DPP4: variants seen among roughly 807,000 people sequenced by gnomAD.
DPP4 encodes the protein dipeptidyl peptidase 4, also known as ADCP-2.
In DPP4, 93 loss-of-function variants were observed where a neutral mutation model predicts 122.4. The observed-to-expected ratio is 0.76, with a 90% CI of 0.64 to 0.90. The LOEUF is 0.90. DPP4 is among the 40% of genes least tolerant of loss of function. DPP4 has a pLI of 0.00. For synonymous variants in DPP4, 321 were observed against 302.9 expected, an observed-to-expected ratio of 1.06 and a Z score of -0.62; for missense variants, 914 against 907.3, an observed-to-expected ratio of 1.01 and a Z score of -0.09.
intron 19 of DPP4, among the ~76,000 whole-genome samples, chr2:162,013,657 C>T (rs1682794193): frequency 6.6e-6 from 1 of 152,086 alleles, no homozygotes; most frequent in East Asian, 1.9e-4. Flanking sequence ...TGATGCCAAG[C>T]ACCTGGCATT....
chr2:162,061,724 T>C (rs559609725), intron 2 of DPP4, among the ~76,000 whole-genome samples: 102 of 152,338 alleles, frequency 6.7e-4, no homozygotes, highest in South Asian at 1.4e-3. Context: ...GATAATTTCT[T>C]TAATTCACCA....
intron 2 of DPP4, chr2:162,073,153 A>C: frequency 8.5e-6 from 3 of 352,318 alleles, no homozygotes; most frequent in East Asian, 4.3e-5. Context: ...AATTTCAGGA[A>C]GCATGCATTT....
chr2:162,073,417 C>A lies in DPP4; in HGVS notation c.76G>T (p.Val26Phe), dbSNP rs1685188828. The A allele has an allele frequency of 1.9e-6, 3 of 1,613,948 alleles. No individual in the cohort carries two copies. The highest frequency in any genetic ancestry group is 2.5e-6 in the Non-Finnish European group (3 of 1,180,038). The change falls in exon 2 of 26, where the codon GTT becomes TTT. Residue 26 changes from valine to phenylalanine, a missense_variant. Val to Phe is a conservative substitution (Grantham distance 50). Transcript: ENST00000360534. ...AACTTACTGCCTTTGTTCAGCAGAA[C>A]CACGGGCACGGTGATGATGGTGACA... ...ALVTIITVPV[V>F]LLNKGTDDAT...
At chr2:162,054,032 G>A (rs1355781522) in intron 2 of DPP4, among the ~76,000 whole-genome samples, 2 of 152,312 alleles carry the variant, frequency 1.3e-5, no homozygotes, top group East Asian at 1.9e-4. Flanking sequence ...CTTACTGGGG[G>A]GGTGGGGGTG....
At chr2:162,000,807 C>T (rs1701127974) in intron 23 of DPP4, among the ~76,000 whole-genome samples, 1 of 152,222 alleles carries the variant, frequency 6.6e-6, no homozygotes, top group South Asian at 2.1e-4. Flanking sequence ...AGGCTCAGGA[C>T]TTGGGTCCTA....
intron 8 of DPP4, 75 bp downstream of exon 8, chr2:162,038,227 C>T: frequency 1.5e-6 from 2 of 1,344,768 alleles, no homozygotes; most frequent in East Asian, 2.5e-5. Context: ...TTAAATTTTC[C>T]CATTGCAAAA....
chr2:162,015,005 G>A (rs558607747), intron 18 of DPP4, among the ~76,000 whole-genome samples: 1 of 152,080 alleles, frequency 6.6e-6, no homozygotes, highest in Non-Finnish European at 1.5e-5. Context: ...GGTTTATATG[G>A]AGCAAACTGT....
chr2:161,998,291 CATT>C (rs1173762112), intron 23 of DPP4, among the ~76,000 whole-genome samples: 1 of 152,208 alleles, frequency 6.6e-6, no homozygotes, highest in Non-Finnish European at 1.5e-5. Flanking sequence ...TGACCGTAAA[CATT>C]AATTGCCTGA....
rs200582524 is a variant in DPP4, at chr2:162,039,029, A to G, written c.420-8T>C. 193 of 1,613,238 alleles carry G rather than the reference A, an allele frequency of 1.2e-4. No individual in the cohort carries two copies. Among genetic ancestry groups the G allele is most frequent in the Middle Eastern group, 3.3e-4 (2 of 6,080 alleles). Reference sequence around the variant, plus strand: ...TCTTCTGTAATCAGCTGCCTGGAAAAAAGATGAAAGGAAATATTATCAAAA... The same window carrying G: ...TCTTCTGTAATCAGCTGCCTGGAAAGAAGATGAAAGGAAATATTATCAAAA... On this transcript the variant is annotated splice_region_variant and splice_polypyrimidine_tract_variant and intron_variant, in intron 6 of 25. Coordinates refer to ENST00000360534, the MANE Select transcript of DPP4 (RefSeq NM_001935.4).
At chr2:162,051,518 G>A (rs1416010138) in intron 2 of DPP4, among the ~76,000 whole-genome samples, 1 of 152,200 alleles carries the variant, frequency 6.6e-6, no homozygotes. Flanking sequence ...GCACATAACT[G>A]TGGAAAGTTG....
intron 2 of DPP4, among the ~76,000 whole-genome samples, chr2:162,056,659 T>C (rs542974375): frequency 1.6e-4 from 25 of 152,308 alleles, no homozygotes; most frequent in African/African-American, 5.3e-4. Context: ...GCAAGGATGG[T>C]AATAGTCCCT....
chr2:162,056,290 C>CTA (rs1275202250), intron 2 of DPP4, among the ~76,000 whole-genome samples: 5 of 152,200 alleles, frequency 3.3e-5, no homozygotes, highest in African/African-American at 1.2e-4. Context: ...ATTCTGTTTA[C>CTA]TATTATATTA....
intron 2 of DPP4, among the ~76,000 whole-genome samples, chr2:162,070,764 C>G (rs1685087986): frequency 6.6e-6 from 1 of 152,170 alleles, no homozygotes; most frequent in East Asian, 1.9e-4. Context: ...CATTCCTGAG[C>G]TTTTATCTTT....
chr2:162,069,924 A>T (rs904106705), intron 2 of DPP4, among the ~76,000 whole-genome samples: 2 of 152,240 alleles, frequency 1.3e-5, no homozygotes, highest in African/African-American at 4.8e-5. Flanking sequence ...AAAAGAAGAG[A>T]TATACTTCTT....
At chr2:162,020,082 C>A in intron 14 of DPP4, 147 bp downstream of exon 14, 3 of 648,322 alleles carry the variant, frequency 4.6e-6, no homozygotes, top group Admixed American at 3.2e-5. Flanking sequence ...ATCATTAAGG[C>A]TTCCGTATGT....
At chr2:162,003,002 C>G (rs1162152427) in intron 23 of DPP4, among the ~76,000 whole-genome samples, 1 of 152,186 alleles carries the variant, frequency 6.6e-6, no homozygotes, top group Non-Finnish European at 1.5e-5. Flanking sequence ...CCTTAACTAT[C>G]GCCCTCCCAA....
intron 2 of DPP4, among the ~76,000 whole-genome samples, chr2:162,052,924 C>T (rs1036081746): frequency 5.9e-5 from 9 of 152,168 alleles, no homozygotes; most frequent in Admixed American, 3.9e-4. Context: ...GAAAGTGGCA[C>T]TCGGCTGAAT....
At chr2:162,072,039 T>C (rs751425718) in intron 2 of DPP4, among the ~76,000 whole-genome samples, 1 of 152,234 alleles carries the variant, frequency 6.6e-6, no homozygotes, top group Non-Finnish European at 1.5e-5. Flanking sequence ...CACACACACA[T>C]ACACACATAT....
At chr2:162,072,829 T>A (rs530757558) in intron 2 of DPP4, among the ~76,000 whole-genome samples, 1 of 152,330 alleles carries the variant, frequency 6.6e-6, no homozygotes, top group East Asian at 1.9e-4. Flanking sequence ...GCTTTATTAT[T>A]TAGCTCTGCA....
Sources: gnomAD v4.1 joint callset for allele counts (sites outside exome capture counted in the v4.1 genomes callset) on GRCh38, gnomAD v4.1.1 for gene constraint, MANE v1.5 for transcripts, NCBI Gene and HGNC (gene_info 2026-07-23, HGNC 2026-07-21) for gene names.